ANO3: variants seen among roughly 807,000 people sequenced by gnomAD.
ANO3 encodes anoctamin-3.
ANO3 carries 99 observed loss-of-function variants against 144.8 expected under a neutral mutation model. That is an observed-to-expected ratio of 0.68 (90% confidence interval 0.58 to 0.81). The LOEUF (loss-of-function observed/expected upper bound fraction) is 0.81, where lower values mean the gene tolerates loss of function less well. ANO3 is among the 30% of genes least tolerant of loss of function. ANO3 has a pLI of 0.00. For missense variants in ANO3, 905 were observed against 1,202.2 expected, an observed-to-expected ratio of 0.75 and a Z score of 3.66; for synonymous variants, 414 against 392.6, an observed-to-expected ratio of 1.05 and a Z score of -0.64.
At chr11:26,395,533 G>A (rs1409151074) in intron 1 of ANO3, among the ~76,000 whole-genome samples, 1 of 152,012 alleles carries the variant, frequency 6.6e-6, no homozygotes, top group African/African-American at 2.4e-5. Context: ...TATTGTCTTT[G>A]TAGCAAGTGT....
intron 1 of ANO3, among the ~76,000 whole-genome samples, chr11:26,248,319 C>G (rs1852846402): frequency 6.6e-6 from 1 of 151,894 alleles, no homozygotes; most frequent in African/African-American, 2.4e-5. Flanking sequence ...GCCTGGGCAA[C>G]AGAGTGAGGC....
chr11:26,612,815 T>C (rs571081386), intron 17 of ANO3, among the ~76,000 whole-genome samples: 51 of 152,118 alleles, frequency 3.4e-4, no homozygotes, highest in Non-Finnish European at 5.7e-4. Flanking sequence ...ACTTTAAATA[T>C]AACAACCCAT....
chr11:26,473,071 C>A (rs1222397916), intron 4 of ANO3, among the ~76,000 whole-genome samples: 1 of 151,958 alleles, frequency 6.6e-6, no homozygotes, highest in African/African-American at 2.4e-5. Flanking sequence ...TTTAAACCTA[C>A]ATATTAGAGT....
chr11:26,200,337 C>A lies in ANO3; in HGVS notation c.154+11007C>A, dbSNP rs148432363. 3.4e-3 allele frequency among the ~76,000 whole-genome samples: 522 copies of A among 152,278 alleles called. 3 individuals carry two copies. The highest frequency in any genetic ancestry group is 0.012 in the African/African-American group (496 of 41,554). ...TCTGCCTCTTCTCTTAGAACACTTTCCTTTTCTTCAAAATTTCTCTCAAAT... is the reference window on the plus strand; with the variant it reads ...TCTGCCTCTTCTCTTAGAACACTTTACTTTTCTTCAAAATTTCTCTCAAAT... On this transcript the variant is annotated intron_variant, in intron 1 of 27. Transcript: ENST00000672621.
chr11:26,206,619 A>C (rs1290266327), intron 1 of ANO3, among the ~76,000 whole-genome samples: 3 of 152,186 alleles, frequency 2.0e-5, no homozygotes, highest in Non-Finnish European at 1.5e-5. Flanking sequence ...ACTGCAGAGA[A>C]AAACATGTAC....
intron 14 of ANO3, chr11:26,565,238 T>A: frequency 1.3e-6 from 2 of 1,531,584 alleles, no homozygotes; most frequent in Non-Finnish European, 8.8e-7. Flanking sequence ...GTAGAGTTGT[T>A]TTTTCTTGAT....
At chr11:26,583,442 G>A (rs1052367336) in intron 14 of ANO3, among the ~76,000 whole-genome samples, 1 of 152,210 alleles carries the variant, frequency 6.6e-6, no homozygotes, top group Non-Finnish European at 1.5e-5. Flanking sequence ...AAGACAAGCA[G>A]GTTTTGACCA....
At chr11:26,207,219 T>C (rs1275898830) in intron 1 of ANO3, among the ~76,000 whole-genome samples, 1 of 152,164 alleles carries the variant, frequency 6.6e-6, no homozygotes, top group Non-Finnish European at 1.5e-5. Context: ...TAACAAATAG[T>C]AATCAATAAA....
chr11:26,429,685 A>G (rs535427196), intron 1 of ANO3, among the ~76,000 whole-genome samples: 1 of 152,326 alleles, frequency 6.6e-6, no homozygotes, highest in South Asian at 2.1e-4. Context: ...TTAGAAAGAA[A>G]GGTTGCAGTT....
At chr11:26,611,590 G>T (rs1161283848) in intron 17 of ANO3, among the ~76,000 whole-genome samples, 4 of 152,036 alleles carry the variant, frequency 2.6e-5, no homozygotes, top group African/African-American at 9.7e-5. Context: ...TGCAGCTGTT[G>T]GATGGAATGT....
intron 4 of ANO3, among the ~76,000 whole-genome samples, chr11:26,474,343 A>G (rs1246283305): frequency 6.6e-6 from 1 of 151,896 alleles, no homozygotes; most frequent in African/African-American, 2.4e-5. Context: ...ATGTAAACCA[A>G]ATATCACCTC....
At chr11:26,578,213 A>C (rs1339116791) in intron 14 of ANO3, among the ~76,000 whole-genome samples, 2 of 152,210 alleles carry the variant, frequency 1.3e-5, no homozygotes, top group African/African-American at 2.4e-5. Flanking sequence ...GATGTTAGGT[A>C]AGTGTCTCCA....
At chr11:26,231,817 T>C (rs1453495667) in intron 1 of ANO3, among the ~76,000 whole-genome samples, 1 of 152,214 alleles carries the variant, frequency 6.6e-6, no homozygotes, top group Admixed American at 6.5e-5. Flanking sequence ...ATAAATGTTA[T>C]TTATTATCAT....
At chr11:26,477,522 A>G (rs1421473654) in intron 4 of ANO3, among the ~76,000 whole-genome samples, 1 of 151,940 alleles carries the variant, frequency 6.6e-6, no homozygotes, top group Non-Finnish European at 1.5e-5. Flanking sequence ...TAGCACTTGC[A>G]CCTCCGCCCC....
At chr11:26,564,730 CACATATATATATATATATATATATAT>C (rs1202774135) in intron 14 of ANO3, among the ~76,000 whole-genome samples, 26 of 24,014 alleles carry the variant, frequency 1.1e-3, no homozygotes, top group African/African-American at 2.8e-3. Flanking sequence ...CACACACACA[CACATATATATATATATATATATATAT>C]ATATATATAT....
chr11:26,561,484 A>G (rs889499693), intron 14 of ANO3, among the ~76,000 whole-genome samples: 1 of 152,030 alleles, frequency 6.6e-6, no homozygotes, highest in African/African-American at 2.4e-5. Context: ...AGAGACCAGT[A>G]TAGTATATCA....
chr11:26,211,782 T>G (rs1020895612), intron 1 of ANO3, among the ~76,000 whole-genome samples: 18 of 152,198 alleles, frequency 1.2e-4, no homozygotes, highest in African/African-American at 4.3e-4. Flanking sequence ...TGCGGCACTA[T>G]TCACAATAGC....
At chr11:26,236,644 C>T (rs1253584358) in intron 1 of ANO3, among the ~76,000 whole-genome samples, 1 of 151,936 alleles carries the variant, frequency 6.6e-6, no homozygotes, top group Non-Finnish European at 1.5e-5. Flanking sequence ...CAGTGAAACC[C>T]TGTCTCTACT....
chr11:26,522,579 G>A (rs1862126351), intron 6 of ANO3, among the ~76,000 whole-genome samples: 1 of 152,186 alleles, frequency 6.6e-6, no homozygotes, highest in South Asian at 2.1e-4. Context: ...TACATGAACA[G>A]TAGGCAGTTA....
Sources: gnomAD v4.1 joint callset for allele counts (sites outside exome capture counted in the v4.1 genomes callset) on GRCh38, gnomAD v4.1.1 for gene constraint, MANE v1.5 for transcripts, NCBI Gene and HGNC (gene_info 2026-07-23, HGNC 2026-07-21) for gene names.